The following KCNG3 variants were observed in gnomAD, a reference collection of about 807,000 sequenced individuals.
KCNG3 encodes the protein potassium voltage-gated channel modifier subfamily G member 3.
In KCNG3, 15 loss-of-function variants were observed where a neutral mutation model predicts 29.0. That is an observed-to-expected ratio of 0.52 (90% CI 0.35 to 0.80). KCNG3 has a LOEUF of 0.80. KCNG3 is among the 30% of genes least tolerant of loss of function. The probability of loss-of-function intolerance (pLI) is 0.01; values close to 1 mark genes in which losing one functional copy is unlikely to be tolerated. For missense variants in KCNG3, 512 were observed against 605.7 expected (o/e 0.85, Z 1.62); for synonymous variants, 322 against 248.9 (o/e 1.29, Z -2.76).
the KCNG3 span, among the ~76,000 whole-genome samples, chr2:42,406,512 A>C: frequency 6.7e-6 from 1 of 148,940 alleles, no homozygotes; most frequent in Non-Finnish European, 1.5e-5. Context: ...AAGCCACCGC[A>C]CCAGGCCTAA....
the KCNG3 span, among the ~76,000 whole-genome samples, chr2:42,436,488 T>C: frequency 2.0e-5 from 3 of 152,238 alleles, no homozygotes; most frequent in Non-Finnish European, 4.4e-5. Context: ...GACTAAAGCT[T>C]GTCTACAGAG....
the KCNG3 span, among the ~76,000 whole-genome samples, chr2:42,427,698 TAC>T: frequency 1.3e-5 from 2 of 152,134 alleles, no homozygotes; most frequent in Middle Eastern, 3.2e-3. Context: ...AAAACAGACA[TAC>T]ATTTATCTTT....
the KCNG3 span, among the ~76,000 whole-genome samples, chr2:42,398,963 G>C: frequency 1.3e-5 from 2 of 151,790 alleles, no homozygotes; most frequent in Non-Finnish European, 2.9e-5. Flanking sequence ...TCATTGCCTT[G>C]TAAGGCTCAT....
chr2:42,451,929 C>A (rs577061476), intron 1 of KCNG3, among the ~76,000 whole-genome samples: 1 of 151,618 alleles, frequency 6.6e-6, no homozygotes, highest in African/African-American at 2.4e-5. Flanking sequence ...ACAACAACAA[C>A]AAAGATACAA....
intron 1 of KCNG3, among the ~76,000 whole-genome samples, chr2:42,478,140 T>C (rs1159935215): frequency 1.3e-5 from 2 of 152,152 alleles, no homozygotes; most frequent in Non-Finnish European, 2.9e-5. Flanking sequence ...CTCAAACTTT[T>C]GCGGCTCAGG....
At chr2:42,441,803 T>TATATATAAAATATATACAC (rs1672492631), downstream of KCNG3, among the ~76,000 whole-genome samples, 5 of 150,876 alleles carry the variant, frequency 3.3e-5, no homozygotes, top group South Asian at 4.2e-4. Flanking sequence ...GGTGTGTGTG[T>TATATATAAAATATATACAC]ATATATATAC....
intron 1 of KCNG3, among the ~76,000 whole-genome samples, chr2:42,461,706 C>A (rs1356034089): frequency 6.6e-6 from 1 of 152,144 alleles, no homozygotes; most frequent in Non-Finnish European, 1.5e-5. Context: ...CTAAATAATA[C>A]AAGAAGATCA....
the KCNG3 span, among the ~76,000 whole-genome samples, chr2:42,430,789 C>T: frequency 6.6e-6 from 1 of 151,724 alleles, no homozygotes; most frequent in African/African-American, 2.4e-5. Context: ...AAAAACAAAC[C>T]AAAGAAAGTA....
chr2:42,482,930 G>A (rs986745972), intron 1 of KCNG3, among the ~76,000 whole-genome samples: 10 of 152,010 alleles, frequency 6.6e-5, no homozygotes, highest in East Asian at 1.9e-4. Flanking sequence ...AGACCAGCCC[G>A]GACAATATAG....
the KCNG3 span, among the ~76,000 whole-genome samples, chr2:42,417,219 GGCAACAGA>G: frequency 2.0e-3 from 309 of 152,192 alleles, 1 homozygote; most frequent in African/African-American, 7.3e-3. Context: ...CTCCGGCCTG[GGCAACAGA>G]GCAAGACTCC....
the KCNG3 span, among the ~76,000 whole-genome samples, chr2:42,434,261 G>A: frequency 6.6e-6 from 1 of 151,794 alleles, no homozygotes; most frequent in South Asian, 2.1e-4. Flanking sequence ...AAACCAGCCC[G>A]AGCAACACAG....
At position 42,493,607 on chromosome 2, in the gene KCNG3, T is replaced by C. The variant is rs1673979144; in HGVS notation, c.-106A>G. On this transcript the variant is annotated 5_prime_UTR_variant, in exon 1 of 2. Transcript: ENST00000306078. Reference sequence around the variant, plus strand: ...CCGTGGCTGACGGGGGAGCGCGCCGTCGGGGCCCGCGCTCCCTCGGGGCTC... The same window carrying C: ...CCGTGGCTGACGGGGGAGCGCGCCGCCGGGGCCCGCGCTCCCTCGGGGCTC... The C allele has an allele frequency of 1.9e-6, 2 of 1,040,310 alleles. No individual in the cohort carries two copies. Among genetic ancestry groups the C allele is most frequent in the Non-Finnish European group, 2.5e-6 (2 of 816,004 alleles). The allele number at this position is 1,040,310 out of a possible 1,614,324, so 64.4% of individuals were successfully genotyped here.
At chr2:42,479,305 T>A (rs987160405) in intron 1 of KCNG3, among the ~76,000 whole-genome samples, 1 of 152,144 alleles carries the variant, frequency 6.6e-6, no homozygotes, top group Non-Finnish European at 1.5e-5. Context: ...AAGTAGTGAA[T>A]CCTGGTATTT....
chr2:42,409,726 AAAAT>A, the KCNG3 span, among the ~76,000 whole-genome samples: 1 of 74,336 alleles, frequency 1.3e-5, no homozygotes, highest in Non-Finnish European at 3.2e-5. Flanking sequence ...AAAAAAAAAA[AAAAT>A]TTTTTTTTAA....
chr2:42,407,749 GC>G, the KCNG3 span, among the ~76,000 whole-genome samples: 1 of 152,042 alleles, frequency 6.6e-6, no homozygotes. Context: ...TCAGACCCGG[GC>G]CTCCCTGTGC....
intron 1 of KCNG3, among the ~76,000 whole-genome samples, chr2:42,460,886 G>A (rs2103689146): frequency 6.6e-6 from 1 of 152,242 alleles, no homozygotes; most frequent in African/African-American, 2.4e-5. Context: ...GGTAGGCCAG[G>A]CGCGGTGGCT....
the KCNG3 span, among the ~76,000 whole-genome samples, chr2:42,407,406 G>A: frequency 6.6e-6 from 1 of 152,240 alleles, no homozygotes; most frequent in East Asian, 1.9e-4. Context: ...GGACTCAAAT[G>A]TTCCTCCCAC....
chr2:42,466,289 C>G (rs1346932686), intron 1 of KCNG3, among the ~76,000 whole-genome samples: 1 of 152,100 alleles, frequency 6.6e-6, no homozygotes, highest in African/African-American at 2.4e-5. Context: ...GCCTGTAATC[C>G]TAGCTACTCG....
At chr2:42,413,194 AG>A in the KCNG3 span, among the ~76,000 whole-genome samples, 1 of 152,132 alleles carries the variant, frequency 6.6e-6, no homozygotes, top group Admixed American at 6.6e-5. Context: ...TTTTAGAGAC[AG>A]GGTCTCACTA....
Sources: allele counts gnomAD v4.1 joint callset (sites outside exome capture counted in the v4.1 genomes callset), GRCh38; gene constraint gnomAD v4.1.1; transcripts MANE v1.5; gene names NCBI Gene and HGNC (gene_info 2026-07-23, HGNC 2026-07-21).